The following CD164L2 variants were observed in gnomAD, a reference collection of about 807,000 sequenced individuals.
CD164L2 encodes the protein CD164 molecule like 2, also known as CD164 sialomucin-like 2 protein.
Under a neutral mutation model 23.9 loss-of-function variants are expected in CD164L2, and 21 were observed. The observed-to-expected ratio is 0.88, with a 90% CI of 0.62 to 1.27. The LOEUF is 1.27. Ranked by LOEUF, CD164L2 falls within the 50% of genes most tolerant of loss-of-function variation. The pLI, the probability that CD164L2 is intolerant of heterozygous loss-of-function variation, is 0.00. For missense variants in CD164L2, 230 were observed against 224.8 expected (o/e 1.02, Z -0.15); for synonymous variants, 92 against 90.2 (o/e 1.02, Z -0.11).
intron 3 of CD164L2, 187 bp downstream of exon 3, chr1:27,382,141 T>C (rs1483869671): frequency 1.3e-6 from 2 of 1,535,220 alleles, no homozygotes; most frequent in Non-Finnish European, 1.8e-6. Context: ...ACACCTGTAC[T>C]AATTTTCAGA....
chr1:27,379,721 C>A, intron 5 of CD164L2: 1 of 1,450,890 alleles, frequency 6.9e-7, no homozygotes, highest in Non-Finnish European at 9.1e-7. Flanking sequence ...AGCTCCTGCC[C>A]ACAGCCACAG....
rs941083154 is a variant in CD164L2, at chr1:27,381,776, T to G, written c.373+4A>C. 2 of 1,613,816 alleles carry G rather than the reference T, an allele frequency of 1.2e-6. No individual in the cohort carries two copies. The highest frequency in any genetic ancestry group is 2.7e-5 in the African/African-American group (2 of 74,910). ...CCACTGCCCCGTCTCCAGGGAGTAC[T>G]CACCTGTTGTGACTGTCTTCGGTTC... On this transcript the variant is annotated splice_donor_region_variant and intron_variant, in intron 4 of 5. Transcript: ENST00000374030.
At chr1:27,379,587 A>G in intron 5 of CD164L2, 78 bp from the exon 6 acceptor site, 1 of 1,550,454 alleles carries the variant, frequency 6.4e-7, no homozygotes, top group East Asian at 2.4e-5. Context: ...GAGAGGAGGC[A>G]GCAGAGGAAG....
At chr1:27,383,058 C>T in intron 1 of CD164L2, 94 bp downstream of exon 1, 2 of 1,120,842 alleles carry the variant, frequency 1.8e-6, no homozygotes, top group East Asian at 2.6e-5. Flanking sequence ...GCCCCCTCCC[C>T]TCAAGCCCAG....
Position 27,382,360 on chromosome 1 carries a change from C to CA in CD164L2, c.295dup (p.Cys99LeufsTer20). The stretch of plus-strand genomic sequence containing the variant: ...TGCCTCTGAGCGGTTGTAGATGGAG[C>CA]AACCTTCCTTGACCACCTCAGATTG... On this transcript the variant is annotated frameshift_variant, in exon 3 of 6. Transcript: ENST00000374030. LOFTEE classifies it high-confidence loss of function. 6.2e-7 allele frequency: 1 copy of CA among 1,613,414 alleles called. No individual in the cohort carries two copies. The highest frequency in any genetic ancestry group is 8.5e-7 in the Non-Finnish European group (1 of 1,179,618).
intron 4 of CD164L2, 106 bp from the exon 5 acceptor site, chr1:27,380,301 A>C: frequency 2.9e-6 from 3 of 1,037,978 alleles, no homozygotes; most frequent in Non-Finnish European, 2.8e-6. Context: ...GGTCCTCAAT[A>C]TGGGGTGCTT....
intron 5 of CD164L2, 185 bp from the exon 6 acceptor site, chr1:27,379,694 A>G (rs1465544180): frequency 2.9e-5 from 42 of 1,473,592 alleles, no homozygotes; most frequent in Non-Finnish European, 3.5e-5. Context: ...AGCAAAACCC[A>G]ACTAGACACA....
At position 27,379,278 on chromosome 1, in the gene CD164L2, T is replaced by TGGAGGAGAC; in HGVS notation, c.*216_*224dup. On this transcript the variant is annotated 3_prime_UTR_variant, in exon 6 of 6. Transcript: ENST00000374030. ...AGGCTGGGGGGCCCAGCAGGGGCGA[T>TGGAGGAGAC]GGAGGAGACGAGGTGGTTGAGGGAT... is the stretch of plus-strand genomic sequence containing the variant. 1 of 593,832 alleles carries TGGAGGAGAC rather than the reference T, an allele frequency of 1.7e-6. No homozygotes were observed. Among genetic ancestry groups the TGGAGGAGAC allele is most frequent in the South Asian group, 2.0e-5 (1 of 50,138 alleles). 36.8% of individuals were successfully genotyped at this position (593,832 alleles called of 1,614,324 possible).
At chr1:27,383,012 C>T (rs1445957571) in intron 1 of CD164L2, 140 bp downstream of exon 1, 9 of 686,636 alleles carry the variant, frequency 1.3e-5, no homozygotes. Context: ...CTGGAGCCCC[C>T]TCTCCCACCC....
chr1:27,381,750 C>T, intron 4 of CD164L2, 30 bp downstream of exon 4: 1 of 1,612,482 alleles, frequency 6.2e-7, no homozygotes. Flanking sequence ...CTCTGCTCCT[C>T]CCACTGCCCC....
intron 5 of CD164L2, 42 bp from the exon 6 acceptor site, chr1:27,379,551 T>C (rs1352955178): frequency 6.5e-7 from 1 of 1,550,298 alleles, no homozygotes; most frequent in South Asian, 1.2e-5. Flanking sequence ...TGACACTGCC[T>C]CAGCCAGCCA....
intron 4 of CD164L2, among the ~76,000 whole-genome samples, chr1:27,381,259 C>T (rs967475041): frequency 1.3e-5 from 2 of 152,204 alleles, no homozygotes; most frequent in African/African-American, 4.8e-5. Context: ...CTTCTGAGAT[C>T]GGTTTCTGGC....
At chr1:27,379,853 G>A in intron 5 of CD164L2, 198 bp downstream of exon 5, 1 of 1,487,024 alleles carries the variant, frequency 6.7e-7, no homozygotes, top group Non-Finnish European at 8.9e-7. Context: ...GCTGAGTCCT[G>A]GTCCCAGCCA....
intron 5 of CD164L2, chr1:27,379,797 G>A: frequency 7.0e-7 from 1 of 1,437,458 alleles, no homozygotes; most frequent in Non-Finnish European, 9.1e-7. Flanking sequence ...GCAGCATGAA[G>A]GGAAAAGACA....
chr1:27,379,586 C>T, intron 5 of CD164L2, 77 bp from the exon 6 acceptor site: 2 of 1,550,452 alleles, frequency 1.3e-6, no homozygotes, highest in Non-Finnish European at 1.7e-6. Flanking sequence ...CGAGAGGAGG[C>T]AGCAGAGGAA....
At position 27,382,338 on chromosome 1, in the gene CD164L2, C is replaced by T. The variant is rs76829192; in HGVS notation, c.318G>A (p.Glu106=). The T allele has an allele frequency of 8.4e-5, 135 of 1,614,028 alleles. No homozygotes were observed. The African/African-American group carries it at 1.7e-3, about 20-fold the overall frequency. ...KEGCSIYNRS[E]ACPAAHHHPT... Reference sequence around the variant, plus strand: ...CAAGAACCCCCTTACCTGGACATGCCTCTGAGCGGTTGTAGATGGAGCAAC... The same window carrying T: ...CAAGAACCCCCTTACCTGGACATGCTTCTGAGCGGTTGTAGATGGAGCAAC... The change falls in exon 3 of 6, where the codon GAG becomes GAA. Residue 106 remains glutamate (E), a synonymous_variant. Coordinates refer to ENST00000374030, the MANE Select transcript of CD164L2 (RefSeq NM_001330448.1).
intron 5 of CD164L2, 37 bp from the exon 6 acceptor site, chr1:27,379,546 CT>C: frequency 6.4e-7 from 1 of 1,550,558 alleles, no homozygotes; most frequent in Non-Finnish European, 8.7e-7. Flanking sequence ...GAAGGTGACA[CT>C]GCCTCAGCCA....
intron 4 of CD164L2, among the ~76,000 whole-genome samples, chr1:27,381,228 G>A (rs2016329718): frequency 6.6e-6 from 1 of 152,228 alleles, no homozygotes; most frequent in Non-Finnish European, 1.5e-5. Context: ...AGCTGAGGGA[G>A]CTGAGCCATC....
In CD164L2 at chr1:27,380,044, T is replaced by C. The variant is rs748279412; in HGVS notation, c.518+7A>G. On this transcript the variant is annotated splice_region_variant and intron_variant, in intron 5 of 5. Transcript: ENST00000374030. ...ACTCAGGTACTTGCTGCTGGCCAGG[T>C]ACTCACAGCGTCTGGTAGGTGCTGT... 6.2e-7 allele frequency: 1 copy of C among 1,613,096 alleles called. No homozygotes were observed. Among genetic ancestry groups the C allele is most frequent in the Non-Finnish European group, 8.5e-7 (1 of 1,179,492 alleles).
Sources: gnomAD v4.1 joint callset for allele counts (sites outside exome capture counted in the v4.1 genomes callset) on GRCh38, gnomAD v4.1.1 for gene constraint, MANE v1.5 for transcripts, NCBI Gene and HGNC (gene_info 2026-07-23, HGNC 2026-07-21) for gene names.